The following ADGRL2 variants were observed in gnomAD, a reference collection of about 807,000 sequenced individuals.
ADGRL2 encodes calcium-independent alpha-latrotoxin receptor 2.
A neutral mutation model predicts 157.4 loss-of-function variants in ADGRL2; 44 were observed. The observed-to-expected ratio is 0.28, with a 90% CI of 0.22 to 0.36. ADGRL2 has a LOEUF of 0.36. Among genes scored for constraint, ADGRL2 ranks in the 10% least tolerant of loss-of-function variants. The pLI is 1.00. For missense variants in ADGRL2, 1,510 were observed against 1,768.9 expected, an observed-to-expected ratio of 0.85 and a Z score of 2.63; for synonymous variants, 585 against 624.7, an observed-to-expected ratio of 0.94 and a Z score of 0.95.
At chr1:81,613,167 T>A in intron 3 of ADGRL2, among the ~76,000 whole-genome samples, 1 of 152,212 alleles carries the variant, frequency 6.6e-6, no homozygotes, top group East Asian at 1.9e-4. Context: ...TGAAATTACG[T>A]TACCTATAGA....
chr1:81,661,995 GT>G (rs539382777), intron 3 of ADGRL2, among the ~76,000 whole-genome samples: 21 of 148,926 alleles, frequency 1.4e-4, no homozygotes, highest in Admixed American at 4.0e-4. Context: ...CAACTTAAGA[GT>G]TTTTTTTTTA....
At chr1:81,616,643 T>G (rs2081653030) in intron 3 of ADGRL2, among the ~76,000 whole-genome samples, 3 of 146,668 alleles carry the variant, frequency 2.0e-5, no homozygotes, top group African/African-American at 7.6e-5. Flanking sequence ...TCTAGTTTTT[T>G]GGGTTTTTTT....
intron 3 of ADGRL2, among the ~76,000 whole-genome samples, chr1:81,928,061 T>C (rs2148712960): frequency 6.6e-6 from 1 of 152,232 alleles, no homozygotes; most frequent in East Asian, 1.9e-4. Context: ...TTATTTTGCC[T>C]GAGCAAATCT....
intron 2 of ADGRL2, among the ~76,000 whole-genome samples, chr1:81,853,449 A>T (rs910149032): frequency 2.0e-5 from 3 of 152,046 alleles, no homozygotes; most frequent in Non-Finnish European, 4.4e-5. Flanking sequence ...CAAGGGTTTT[A>T]CCCCCTAATG....
intron 3 of ADGRL2, chr1:81,581,027 A>G (rs1340826103): frequency 2.0e-5 from 3 of 152,176 alleles, no homozygotes; most frequent in East Asian, 1.9e-4. Flanking sequence ...TATTTAAGAA[A>G]AATTTTCTCA....
chr1:81,938,013 C>G (rs2095335006), intron 4 of ADGRL2, among the ~76,000 whole-genome samples: 1 of 151,758 alleles, frequency 6.6e-6, no homozygotes, highest in Non-Finnish European at 1.5e-5. Flanking sequence ...AAAGGCCAAA[C>G]ACAGATTATC....
At chr1:81,316,487 T>C (rs1170764548) in intron 1 of ADGRL2, among the ~76,000 whole-genome samples, 3 of 152,204 alleles carry the variant, frequency 2.0e-5, no homozygotes, top group African/African-American at 7.2e-5. Flanking sequence ...GGATATATTG[T>C]GTTTTAGGCC....
chr1:81,805,230 A>G (rs1247474615), intron 1 of ADGRL2, among the ~76,000 whole-genome samples: 2 of 152,134 alleles, frequency 1.3e-5, no homozygotes, highest in Non-Finnish European at 2.9e-5. Flanking sequence ...TGAAAAAAAG[A>G]ACAAGTGCTT....
At chr1:81,972,861 A>G (rs975779530) in intron 17 of ADGRL2, among the ~76,000 whole-genome samples, 3 of 150,814 alleles carry the variant, frequency 2.0e-5, no homozygotes, top group Non-Finnish European at 2.9e-5. Context: ...GCGGTGAGCT[A>G]TGATTGCACC....
chr1:81,681,776 C>T (rs2083122399), intron 3 of ADGRL2, among the ~76,000 whole-genome samples: 1 of 152,138 alleles, frequency 6.6e-6, no homozygotes, highest in South Asian at 2.1e-4. Context: ...TTGCCAAGCA[C>T]TTGTTTACTT....
At chr1:81,865,964 A>G (rs1397300339) in intron 2 of ADGRL2, among the ~76,000 whole-genome samples, 8 of 152,208 alleles carry the variant, frequency 5.3e-5, no homozygotes, top group Non-Finnish European at 7.3e-5. Context: ...TATTTTCTCC[A>G]TTAAATAGAT....
At chr1:81,536,301 G>GT (rs139725649) in intron 2 of ADGRL2, among the ~76,000 whole-genome samples, 15,540 of 151,744 alleles carry the variant, frequency 0.1, 933 homozygotes, top group South Asian at 0.14. Context: ...TATTTTACTG[G>GT]TTTTTTTTAA....
intron 1 of ADGRL2, among the ~76,000 whole-genome samples, chr1:81,739,389 C>A (rs546360623): frequency 9.4e-4 from 143 of 152,110 alleles, no homozygotes; most frequent in Non-Finnish European, 1.7e-3. Context: ...ATAGTAATTG[C>A]CCAATAAATT....
At chr1:81,738,330 C>T (rs2084968367) in intron 1 of ADGRL2, among the ~76,000 whole-genome samples, 1 of 152,180 alleles carries the variant, frequency 6.6e-6, no homozygotes, top group South Asian at 2.1e-4. Context: ...GTGTTACACT[C>T]AGCAACTATT....
At chr1:81,332,837 T>A (rs1661363809) in intron 1 of ADGRL2, among the ~76,000 whole-genome samples, 1 of 152,174 alleles carries the variant, frequency 6.6e-6, no homozygotes, top group Non-Finnish European at 1.5e-5. Flanking sequence ...TGAGTTCAGT[T>A]TTTGTGTTAT....
chr1:81,463,580 T>G (rs2077986194), intron 2 of ADGRL2, among the ~76,000 whole-genome samples: 1 of 152,182 alleles, frequency 6.6e-6, no homozygotes, highest in African/African-American at 2.4e-5. Context: ...TCTGGCCTCT[T>G]TCACTCCTCA....
At chr1:81,497,396 GT>G (rs575143561) in intron 2 of ADGRL2, among the ~76,000 whole-genome samples, 218 of 148,240 alleles carry the variant, frequency 1.5e-3, no homozygotes, top group South Asian at 6.3e-3. Context: ...TGTTGCTATG[GT>G]TTTTTTTTTA....
At chr1:81,828,758 C>T (rs1327314983) in intron 1 of ADGRL2, among the ~76,000 whole-genome samples, 1 of 152,082 alleles carries the variant, frequency 6.6e-6, no homozygotes, top group Non-Finnish European at 1.5e-5. Flanking sequence ...TTAAGAAGCA[C>T]TAAAACATAA....
At chr1:81,567,455 T>C (rs1236134698) in intron 2 of ADGRL2, among the ~76,000 whole-genome samples, 4 of 152,004 alleles carry the variant, frequency 2.6e-5, no homozygotes, top group Non-Finnish European at 5.9e-5. Flanking sequence ...ATGAATACAA[T>C]AAGGAAAATA....
Sources: allele counts gnomAD v4.1 joint callset (sites outside exome capture counted in the v4.1 genomes callset), GRCh38; gene constraint gnomAD v4.1.1; transcripts MANE v1.5; gene names NCBI Gene and HGNC (gene_info 2026-07-23, HGNC 2026-07-21).